The following BIN2 variants were observed in gnomAD, a reference collection of about 807,000 sequenced individuals.
The protein encoded by BIN2 is breast cancer associated protein BRAP1.
In BIN2, 43 loss-of-function variants were observed where a neutral mutation model predicts 67.9. The observed-to-expected ratio is 0.63, with a 90% CI of 0.50 to 0.82. BIN2 has a LOEUF of 0.82. Among genes scored for constraint, BIN2 ranks in the 40% least tolerant of loss-of-function variants. The pLI is 0.00. For missense variants in BIN2, 581 were observed against 671.6 expected, an observed-to-expected ratio of 0.87 and a Z score of 1.49; for synonymous variants, 244 against 246.8, an observed-to-expected ratio of 0.99 and a Z score of 0.11.
At position 51,303,117 on chromosome 12, in the gene BIN2, C is replaced by A. The variant is rs1945774940; in HGVS notation, c.187G>T (p.Asp63Tyr). Residue 63 changes from aspartate to tyrosine, a missense_variant, in exon 3 of 13, where the codon GAC becomes TAC. Transcript: ENST00000615107. ...QQAEGHKLYK[D>Y]LKNFLSAVKV... ...ACTGCACTAAGGAAGTTCTTCAGGT[C>A]CTTGTACAGCTTGTGGCCTTCTGCC... 3.7e-6 allele frequency: 6 copies of A among 1,614,118 alleles called. No individual in the cohort carries two copies. Among genetic ancestry groups the A allele is most frequent in the Non-Finnish European group, 5.1e-6 (6 of 1,179,992 alleles).
rs368461477 is a variant in BIN2 at position 51,313,949 on chromosome 12, C to G, written c.82-46G>C. ...GGCCCGTAAGGTTATAGTCAAGTCT[C>G]TCTTACATGTTGGCCTCATATGACC... On this transcript the variant is annotated intron_variant, in intron 1 of 12. Transcript: ENST00000615107. The G allele has an allele frequency of 2.4e-5, 36 of 1,523,480 alleles. No individual in the cohort carries two copies. The African/African-American group carries it at 3.3e-4, about 14-fold the overall frequency. 94.4% of individuals were successfully genotyped at this position (1,523,480 alleles called of 1,614,324 possible).
intron 10 of BIN2, among the ~76,000 whole-genome samples, chr12:51,289,111 G>C (rs192313331): frequency 6.6e-6 from 1 of 151,658 alleles, no homozygotes; most frequent in Non-Finnish European, 1.5e-5. Context: ...TATTTTTTTT[G>C]ATCAGCCCCT....
At chr12:51,284,925 TC>T in intron 11 of BIN2, 138 bp from the exon 12 acceptor site, 1 of 638,372 alleles carries the variant, frequency 1.6e-6, no homozygotes, top group Non-Finnish European at 2.8e-6. Flanking sequence ...CAGTGTTGTT[TC>T]ACCAGAGCCT....
chr12:51,313,066 G>C (rs1202385648), intron 2 of BIN2, among the ~76,000 whole-genome samples: 2 of 151,794 alleles, frequency 1.3e-5, no homozygotes, highest in African/African-American at 4.8e-5. Flanking sequence ...AACCCTGTCT[G>C]TACTAAAAAT....
chr12:51,290,705 G>A lies in BIN2; in HGVS notation c.1515+886C>T, dbSNP rs565708554. On this transcript the variant is annotated intron_variant, in intron 10 of 12. Transcript: ENST00000615107. ...TCCCAGCACTTTGGGAGGCTGAGGC[G>A]GGTAGATCACAAGGTCAGGAGATCG... 2.4e-3 allele frequency among the ~76,000 whole-genome samples: 362 copies of A among 151,532 alleles called. 1 individual carries two copies. The highest frequency in any genetic ancestry group is 8.0e-3 in the African/African-American group (329 of 41,336).
Position 51,281,431 on chromosome 12 carries a change from C to T in BIN2, c.*68G>A, listed in dbSNP as rs778030327. ...GATGCTGGCTCTTATATCCCTCTGACCTATACCCTCTGGTTGAAGAGCTTC... is the reference window on the plus strand; with the variant it reads ...GATGCTGGCTCTTATATCCCTCTGATCTATACCCTCTGGTTGAAGAGCTTC... On this transcript the variant is annotated 3_prime_UTR_variant, in exon 13 of 13. Coordinates refer to ENST00000615107, the MANE Select transcript of BIN2 (RefSeq NM_016293.4). 2.6e-6 allele frequency: 4 copies of T among 1,512,664 alleles called. No individual in the cohort carries two copies. The highest frequency in any genetic ancestry group is 3.7e-6 in the Non-Finnish European group (4 of 1,087,746). 93.7% of individuals were successfully genotyped at this position (1,512,664 alleles called of 1,614,324 possible).
intron 10 of BIN2, among the ~76,000 whole-genome samples, chr12:51,291,390 C>T (rs1438076945): frequency 6.6e-6 from 1 of 152,090 alleles, no homozygotes; most frequent in Non-Finnish European, 1.5e-5. Flanking sequence ...AGGAGGATCA[C>T]TTGAGGCCAG....
At chr12:51,301,983 C>T (rs1228680434) in intron 5 of BIN2, 37 bp downstream of exon 5, 1 of 1,417,054 alleles carries the variant, frequency 7.1e-7, no homozygotes, top group Non-Finnish European at 1.0e-6. Flanking sequence ...CTGGATGGGT[C>T]ATCCACAACC....
At chr12:51,290,105 AT>A (rs899687874) in intron 10 of BIN2, among the ~76,000 whole-genome samples, 22 of 147,924 alleles carry the variant, frequency 1.5e-4, no homozygotes, top group African/African-American at 3.7e-4. Flanking sequence ...TTTTGTATTA[AT>A]TTTTTTTTAA....
Position 51,295,815 on chromosome 12 carries a change from C to T in BIN2, c.742G>A (p.Val248Met). 2 of 1,613,212 alleles carry T rather than the reference C, an allele frequency of 1.2e-6. No individual in the cohort carries two copies. The highest frequency in any genetic ancestry group is 1.7e-6 in the Non-Finnish European group (2 of 1,179,730). ...GCTCACCTTGACAGTCCCTTCACCA[C>T]AAAGACTTTATTGGAATGTTGCTTC... ...LEKQHSNKVF[V>M]VKGLSSSSRR... is the part of the protein sequence containing the mutation. Residue 248 changes from valine to methionine, a missense_variant, in exon 9 of 13, where the codon GTG becomes ATG. Val to Met is a conservative substitution (Grantham distance 21). Transcript: ENST00000615107.
rs751140007 is a variant in BIN2 at position 51,302,714 on chromosome 12, C to T, written c.284G>A (p.Gly95Asp). 10 of 1,614,116 alleles carry T rather than the reference C, an allele frequency of 6.2e-6. No homozygotes were observed. The highest frequency in any genetic ancestry group is 1.7e-4 in the Middle Eastern group (1 of 6,056). The change falls in exon 4 of 13, where the codon GGT becomes GAT. Residue 95 changes from glycine to aspartate, a missense_variant. Transcript: ENST00000615107. Reference sequence around the variant, plus strand: ...TACGATGGCCTTCAGCTCCTCATGACCGTCCCACTCGCTGCTGTAGATCTC... The same window carrying T: ...TACGATGGCCTTCAGCTCCTCATGATCGTCCCACTCGCTGCTGTAGATCTC... ...LQEIYSSEWD[G>D]HEELKAIVWN... is the part of the protein sequence containing the mutation.
At chr12:51,322,113 TGA>T (rs1357400249) in intron 1 of BIN2, among the ~76,000 whole-genome samples, 1 of 152,100 alleles carries the variant, frequency 6.6e-6, no homozygotes, top group African/African-American at 2.4e-5. Flanking sequence ...CAGAAGAACC[TGA>T]GAGACTGGTT....
chr12:51,304,107 T>A (rs68042460), intron 2 of BIN2: 31,714 of 152,100 alleles, frequency 0.21, 3,993 homozygotes, highest in Middle Eastern at 0.32. Flanking sequence ...TAGCTGGGTG[T>A]GGTGGCGCAC....
At chr12:51,316,231 G>A (rs1201148424) in intron 1 of BIN2, among the ~76,000 whole-genome samples, 7 of 151,518 alleles carry the variant, frequency 4.6e-5, no homozygotes, top group East Asian at 1.9e-4. Flanking sequence ...TGGCTCATGC[G>A]CCCGGCCTTG....
chr12:51,319,959 T>C (rs4761844), intron 1 of BIN2, among the ~76,000 whole-genome samples: 8 of 39,606 alleles, frequency 2.0e-4, no homozygotes, highest in African/African-American at 5.7e-4. Flanking sequence ...ATCTTTCTCT[T>C]TCCTTCCTTC....
At chr12:51,299,519 A>G in intron 6 of BIN2, 88 bp downstream of exon 6, 1 of 1,200,936 alleles carries the variant, frequency 8.3e-7, no homozygotes, top group South Asian at 1.2e-5. Context: ...AATTTCCTAT[A>G]CCCATGTTGG....
chr12:51,305,276 CAGT>C (rs1945839764), intron 2 of BIN2, among the ~76,000 whole-genome samples: 1 of 151,654 alleles, frequency 6.6e-6, no homozygotes, highest in Non-Finnish European at 1.5e-5. Flanking sequence ...GCAGAGGTGG[CAGT>C]GAGCCGAGAG....
At chr12:51,305,980 G>T (rs2137410290) in intron 2 of BIN2, among the ~76,000 whole-genome samples, 1 of 151,864 alleles carries the variant, frequency 6.6e-6, no homozygotes, top group Admixed American at 6.6e-5. Flanking sequence ...AGGACTACAG[G>T]TGTGTGCCAC....
At chr12:51,313,632 C>T (rs149814175) in intron 2 of BIN2, among the ~76,000 whole-genome samples, 191 bp downstream of exon 2, 45 of 152,288 alleles carry the variant, frequency 3.0e-4, no homozygotes, top group Middle Eastern at 3.4e-3. Context: ...TGATCCACTG[C>T]GCCTGGCTGG....
Sources: allele counts gnomAD v4.1 joint callset (sites outside exome capture counted in the v4.1 genomes callset), GRCh38; gene constraint gnomAD v4.1.1; transcripts MANE v1.5; gene names NCBI Gene and HGNC (gene_info 2026-07-23, HGNC 2026-07-21).